Variants in MTREX observed in about 807,000 individuals in gnomAD.
MTREX encodes the protein Mtr4 exosome RNA helicase.
In MTREX, 76 loss-of-function variants were observed where a neutral mutation model predicts 135.4. The ratio of observed to expected loss-of-function variants is 0.56; its 90% CI spans 0.47 to 0.68. The LOEUF (loss-of-function observed/expected upper bound fraction) is 0.68. Among genes scored for constraint, MTREX ranks in the 30% least tolerant of loss-of-function variants. MTREX has a pLI of 0.00. For synonymous variants in MTREX, 404 were observed against 401.6 expected, an observed-to-expected ratio of 1.01 and a Z score of -0.07; for missense variants, 920 against 1,262.1, an observed-to-expected ratio of 0.73 and a Z score of 4.11.
intron 1 of MTREX, among the ~76,000 whole-genome samples, chr5:55,313,178 T>C (rs1248146685): frequency 6.6e-6 from 1 of 151,904 alleles, no homozygotes; most frequent in Non-Finnish European, 1.5e-5. Context: ...GGCTCATTTC[T>C]GTAATCCCAG....
chr5:55,407,780 A>G (rs1359239071), intron 22 of MTREX, among the ~76,000 whole-genome samples: 1 of 151,604 alleles, frequency 6.6e-6, no homozygotes, highest in Non-Finnish European at 1.5e-5. Context: ...TTGAGATGGG[A>G]TTTTGCTCTG....
rs183289695 is a variant in MTREX, at chr5:55,318,191, C to T, written c.135-4136C>T. On this transcript the variant is annotated intron_variant, in intron 1 of 26. Transcript: ENST00000230640. ...TGGTGGGAGTGTAAATCAGTTCAAC[C>T]GTTGTGGAAGGCAATATGGCAATTC... Among the ~76,000 whole-genome samples, 71 of 152,208 alleles carry T rather than the reference C, an allele frequency of 4.7e-4. 1 individual carries two copies. The highest frequency in any genetic ancestry group is 3.7e-3 in the Admixed American group (56 of 15,284).
At chr5:55,349,764 T>A in intron 12 of MTREX, 112 bp downstream of exon 12, 3 of 632,920 alleles carry the variant, frequency 4.7e-6, no homozygotes, top group Non-Finnish European at 8.5e-6. Context: ...CTGTAGCATA[T>A]GGGTTGTGAT....
chr5:55,324,076 A>G, intron 2 of MTREX, 56 bp from the exon 3 acceptor site: 3 of 1,289,880 alleles, frequency 2.3e-6, no homozygotes, highest in Non-Finnish European at 3.3e-6. Flanking sequence ...GAGGCTTATT[A>G]TCAAATTATA....
At chr5:55,364,769 T>C (rs1237913323) in intron 15 of MTREX, among the ~76,000 whole-genome samples, 2 of 152,116 alleles carry the variant, frequency 1.3e-5, no homozygotes, top group Non-Finnish European at 2.9e-5. Context: ...GTAAATAGTC[T>C]GCAATAATTG....
intron 1 of MTREX, among the ~76,000 whole-genome samples, chr5:55,308,975 TACCC>T (rs1749045130): frequency 1.3e-5 from 2 of 151,642 alleles, no homozygotes; most frequent in Non-Finnish European, 2.9e-5. Flanking sequence ...AGAGAACAGG[TACCC>T]ATTAAAGAGT....
intron 14 of MTREX, among the ~76,000 whole-genome samples, chr5:55,357,675 G>C (rs1037676778): frequency 7.9e-5 from 12 of 152,140 alleles, no homozygotes; most frequent in African/African-American, 2.9e-4. Flanking sequence ...ACCATCCTCA[G>C]GCATCAGCAT....
intron 14 of MTREX, chr5:55,356,504 C>T (rs890458909): frequency 1.1e-4 from 22 of 201,576 alleles, no homozygotes; most frequent in Admixed American, 7.0e-4. Flanking sequence ...AAGAGGCTGC[C>T]GTGTTTACCA....
At chr5:55,415,153 C>T (rs1750948048) in intron 24 of MTREX, among the ~76,000 whole-genome samples, 1 of 151,648 alleles carries the variant, frequency 6.6e-6, no homozygotes, top group African/African-American at 2.4e-5. Flanking sequence ...CATAAAAGGG[C>T]CCCTTCAGAA....
At chr5:55,411,344 T>G (rs1397886431) in intron 23 of MTREX, among the ~76,000 whole-genome samples, 1 of 152,226 alleles carries the variant, frequency 6.6e-6, no homozygotes, top group Non-Finnish European at 1.5e-5. Context: ...GACATCTGCC[T>G]TCTAAAAATA....
intron 25 of MTREX, among the ~76,000 whole-genome samples, chr5:55,422,448 G>C (rs1751069582): frequency 6.6e-6 from 1 of 152,138 alleles, no homozygotes; most frequent in African/African-American, 2.4e-5. Context: ...ATGGTGTCCA[G>C]ATGCCTCACT....
chr5:55,327,863 T>A, intron 4 of MTREX, 85 bp downstream of exon 4: 2 of 1,046,848 alleles, frequency 1.9e-6, no homozygotes, highest in Non-Finnish European at 2.9e-6. Context: ...GATTTTTATA[T>A]TTCCCACAAC....
intron 1 of MTREX, among the ~76,000 whole-genome samples, chr5:55,314,385 G>A (rs1034846734): frequency 2.2e-4 from 33 of 152,320 alleles, no homozygotes; most frequent in African/African-American, 7.7e-4. Context: ...TTGACCTTGA[G>A]GTGGAGAGAG....
chr5:55,331,043 A>G (rs1010501519), intron 5 of MTREX, among the ~76,000 whole-genome samples: 1 of 151,162 alleles, frequency 6.6e-6, no homozygotes, highest in African/African-American at 2.4e-5. Context: ...TGATTTCGTC[A>G]GTGTTTTCCG....
intron 18 of MTREX, 45 bp from the exon 19 acceptor site, chr5:55,387,928 GC>G: frequency 1.3e-6 from 2 of 1,520,414 alleles, no homozygotes; most frequent in Non-Finnish European, 1.8e-6. Flanking sequence ...AAATTTATGG[GC>G]CAGTTTCTTA....
intron 5 of MTREX, among the ~76,000 whole-genome samples, chr5:55,339,586 G>T (rs1406444741): frequency 6.6e-6 from 1 of 152,166 alleles, no homozygotes; most frequent in Non-Finnish European, 1.5e-5. Flanking sequence ...TTACATGTGG[G>T]AAAAGAATAC....
At chr5:55,346,599 A>AT (rs1433252974) in intron 10 of MTREX, among the ~76,000 whole-genome samples, 2 of 152,028 alleles carry the variant, frequency 1.3e-5, no homozygotes, top group African/African-American at 4.8e-5. Context: ...GATGTTGAAC[A>AT]TTTTTTCATG....
intron 16 of MTREX, among the ~76,000 whole-genome samples, chr5:55,378,034 G>A (rs139277224): frequency 0.011 from 1,608 of 151,934 alleles, 102 homozygotes; most frequent in Admixed American, 0.095. Flanking sequence ...AGATCTTGCT[G>A]GGTTTTCCCA....
At chr5:55,368,210 G>A (rs1024066346) in intron 16 of MTREX, among the ~76,000 whole-genome samples, 2 of 152,030 alleles carry the variant, frequency 1.3e-5, no homozygotes, top group Non-Finnish European at 2.9e-5. Context: ...AGCACTTTGC[G>A]AGGCCCAGGG....
Sources: gnomAD v4.1 joint callset for allele counts (sites outside exome capture counted in the v4.1 genomes callset) on GRCh38, gnomAD v4.1.1 for gene constraint, MANE v1.5 for transcripts, NCBI Gene and HGNC (gene_info 2026-07-23, HGNC 2026-07-21) for gene names.